CLHC1: variants seen among roughly 807,000 people sequenced by gnomAD.
The protein encoded by CLHC1 is clathrin heavy chain linker domain containing 1, also known as clathrin heavy chain linker domain-containing protein 1.
A neutral mutation model predicts 69.5 loss-of-function variants in CLHC1; 72 were observed. That is an observed-to-expected ratio of 1.04 (90% CI 0.86 to 1.26). The LOEUF (loss-of-function observed/expected upper bound fraction) is 1.26, where lower values mean the gene tolerates loss of function less well. Among genes scored for constraint, CLHC1 ranks in the 50% most tolerant of loss-of-function variants. The probability of loss-of-function intolerance (pLI) is 0.00; values close to 1 mark genes in which losing one functional copy is unlikely to be tolerated. For missense variants in CLHC1, 790 were observed against 679.3 expected, an observed-to-expected ratio of 1.16 and a Z score of -1.81; for synonymous variants, 223 against 224.3, an observed-to-expected ratio of 0.99 and a Z score of 0.05.
chr2:55,193,314 C>T (rs960299600), intron 9 of CLHC1, among the ~76,000 whole-genome samples: 1 of 151,820 alleles, frequency 6.6e-6, no homozygotes, highest in African/African-American at 2.4e-5. Context: ...TCAAAAGAAA[C>T]CAGTGAAACA....
chr2:55,191,490 TC>T (rs1270151128), intron 9 of CLHC1, among the ~76,000 whole-genome samples: 1 of 152,090 alleles, frequency 6.6e-6, no homozygotes, highest in African/African-American at 2.4e-5. Flanking sequence ...CACCTCAGCC[TC>T]CCAAAGTGCT....
intron 10 of CLHC1, among the ~76,000 whole-genome samples, 179 bp downstream of exon 10, chr2:55,181,391 A>T (rs535145718): frequency 9.8e-4 from 149 of 152,296 alleles, no homozygotes; most frequent in Non-Finnish European, 1.7e-3. Context: ...TACCTCCCAA[A>T]GTGTTGGGAT....
intron 9 of CLHC1, among the ~76,000 whole-genome samples, chr2:55,196,721 G>A (rs1671455808): frequency 1.3e-5 from 2 of 152,320 alleles, no homozygotes; most frequent in Middle Eastern, 3.4e-3. Context: ...TGGGTCTTGG[G>A]TAAGACTCTG....
rs1376461046 is a variant in CLHC1 at position 55,230,351 on chromosome 2, G to C, written c.-256+1872C>G. 4.6e-5 allele frequency among the ~76,000 whole-genome samples: 7 copies of C among 152,110 alleles called. No individual in the cohort carries two copies. The East Asian group carries it at 1.3e-3, about 29-fold the overall frequency. On this transcript the variant is annotated intron_variant, in intron 1 of 12. Transcript: ENST00000401408. ...TTTGGCCTTAGTGACTGGAGAAATG[G>C]GAATTGCCATATATAAACATGGGAA... is the stretch of plus-strand genomic sequence containing the variant.
intron 12 of CLHC1, among the ~76,000 whole-genome samples, 164 bp downstream of exon 12, chr2:55,177,438 A>T (rs892378475): frequency 1.3e-5 from 2 of 152,204 alleles, no homozygotes; most frequent in Admixed American, 6.5e-5. Context: ...TATTACCAAT[A>T]GATTATTATT....
intron 2 of CLHC1, among the ~76,000 whole-genome samples, chr2:55,223,009 G>C (rs975075010): frequency 6.7e-6 from 1 of 148,906 alleles, no homozygotes; most frequent in Non-Finnish European, 1.5e-5. Flanking sequence ...AGTCAATGAA[G>C]AGCTCTTCTC....
At chr2:55,217,145 A>G (rs1673599869) in intron 4 of CLHC1, among the ~76,000 whole-genome samples, 1 of 152,010 alleles carries the variant, frequency 6.6e-6, no homozygotes, top group African/African-American at 2.4e-5. Flanking sequence ...CAGTGGGCCA[A>G]GATCAAGCTA....
intron 9 of CLHC1, among the ~76,000 whole-genome samples, chr2:55,194,925 CT>C: frequency 6.8e-6 from 1 of 147,534 alleles, no homozygotes; most frequent in East Asian, 2.0e-4. Flanking sequence ...TTTTTTTTTT[CT>C]TTTTTTTGGG....
chr2:55,205,439 A>ACC (rs1558487177), intron 9 of CLHC1, among the ~76,000 whole-genome samples: 7 of 151,872 alleles, frequency 4.6e-5, no homozygotes, highest in South Asian at 2.1e-4. Flanking sequence ...ACACACACAC[A>ACC]CCACAGAATA....
intron 9 of CLHC1, among the ~76,000 whole-genome samples, chr2:55,204,497 AC>A (rs1156270943): frequency 1.3e-5 from 2 of 152,204 alleles, no homozygotes; most frequent in Non-Finnish European, 2.9e-5. Context: ...AGAAAAGGGA[AC>A]CCTTGTACAC....
chr2:55,196,914 C>T (rs1005634010), intron 9 of CLHC1, among the ~76,000 whole-genome samples: 1 of 152,220 alleles, frequency 6.6e-6, no homozygotes, highest in Non-Finnish European at 1.5e-5. Context: ...AATTCCAGCA[C>T]TTCGTTCTTG....
Position 55,218,903 on chromosome 2 carries a change from C to G in CLHC1, c.178-905G>C, listed in dbSNP as rs544818437. Reference sequence around the variant, plus strand: ...ATTATGCTTTCTATTCCTGCTACATCTCTAGCCTCTGGTATCCCCCACTGG... The same window carrying G: ...ATTATGCTTTCTATTCCTGCTACATGTCTAGCCTCTGGTATCCCCCACTGG... On this transcript the variant is annotated intron_variant, in intron 3 of 12. Coordinates refer to ENST00000401408, the MANE Select transcript of CLHC1 (RefSeq NM_152385.4). Among the ~76,000 whole-genome samples, 8 of 152,260 alleles carry G rather than the reference C, an allele frequency of 5.3e-5. 1 individual carries two copies. In the South Asian group the frequency reaches 1.7e-3, roughly 32 times the overall value.
At chr2:55,227,614 G>A (rs1433310450) in intron 2 of CLHC1, among the ~76,000 whole-genome samples, 1 of 149,154 alleles carries the variant, frequency 6.7e-6, no homozygotes, top group Non-Finnish European at 1.5e-5. Flanking sequence ...GGAGGTGGAG[G>A]TTGCAGTGAG....
At chr2:55,202,556 C>CAA (rs1273533719) in intron 9 of CLHC1, among the ~76,000 whole-genome samples, 2 of 74,644 alleles carry the variant, frequency 2.7e-5, no homozygotes, top group Admixed American at 1.5e-4. Context: ...GACTCTGTCT[C>CAA]AAAAAAAAAA....
chr2:55,198,238 T>C (rs915104833), intron 9 of CLHC1, among the ~76,000 whole-genome samples: 2 of 152,186 alleles, frequency 1.3e-5, no homozygotes, highest in African/African-American at 2.4e-5. Flanking sequence ...CAAGGAGTTA[T>C]TGGTCTTAAA....
In CLHC1 at chr2:55,209,837, G is replaced by C; in HGVS notation, c.500-6C>G. 2 of 1,587,588 alleles carry C rather than the reference G, an allele frequency of 1.3e-6. No homozygotes were observed. Among genetic ancestry groups the C allele is most frequent in the South Asian group, 1.1e-5 (1 of 90,158 alleles). The stretch of plus-strand genomic sequence containing the variant: ...GGATTCTTGAAGAGTCATGCCTATG[G>C]GGAAAGGGAACAAATCAAACACGAC... On this transcript the variant is annotated splice_region_variant and splice_polypyrimidine_tract_variant and intron_variant, in intron 5 of 12. Transcript: ENST00000401408.
chr2:55,205,535 G>A (rs560859653), intron 9 of CLHC1, among the ~76,000 whole-genome samples: 6 of 152,244 alleles, frequency 3.9e-5, no homozygotes, highest in African/African-American at 1.4e-4. Context: ...CAGGAAGAGA[G>A]GGATACTGAG....
intron 1 of CLHC1, among the ~76,000 whole-genome samples, chr2:55,229,174 GA>G (rs1430875562): frequency 2.9e-5 from 4 of 137,180 alleles, no homozygotes; most frequent in Non-Finnish European, 6.3e-5. Flanking sequence ...AAAAAAGAAA[GA>G]AAAAAATTAT....
intron 10 of CLHC1, among the ~76,000 whole-genome samples, chr2:55,181,044 G>A (rs866489582): frequency 3.9e-5 from 6 of 152,070 alleles, no homozygotes; most frequent in South Asian, 2.1e-4. Flanking sequence ...GCAGTGGCGC[G>A]ATCTCGTCTC....
Sources: gnomAD v4.1 joint callset for allele counts (sites outside exome capture counted in the v4.1 genomes callset) on GRCh38, gnomAD v4.1.1 for gene constraint, MANE v1.5 for transcripts, NCBI Gene and HGNC (gene_info 2026-07-23, HGNC 2026-07-21) for gene names.